The following CORIN variants were observed in gnomAD, a reference collection of about 807,000 sequenced individuals.
CORIN encodes atrial natriuretic peptide-converting enzyme.
In CORIN, 117 loss-of-function variants were observed where a neutral mutation model predicts 125.3. The ratio of observed to expected loss-of-function variants is 0.93; its 90% confidence interval spans 0.80 to 1.09. The LOEUF is 1.09. Among genes scored for constraint, CORIN ranks in the 50% least tolerant of loss-of-function variants. The pLI is 0.00. For missense variants in CORIN, 1,253 were observed against 1,306.7 expected, an observed-to-expected ratio of 0.96 and a Z score of 0.63; for synonymous variants, 450 against 466.4, an observed-to-expected ratio of 0.96 and a Z score of 0.45.
chr4:47,727,127 G>T (rs1202565634), intron 5 of CORIN, among the ~76,000 whole-genome samples: 5 of 151,880 alleles, frequency 3.3e-5, no homozygotes, highest in Non-Finnish European at 5.9e-5. Flanking sequence ...AATGGAAGGA[G>T]AATCTAATCA....
intron 2 of CORIN, among the ~76,000 whole-genome samples, chr4:47,796,141 G>A (rs1731278791): frequency 6.6e-6 from 1 of 151,872 alleles, no homozygotes; most frequent in African/African-American, 2.4e-5. Context: ...TTGAAATCAG[G>A]ATCTCCTATC....
intron 6 of CORIN, among the ~76,000 whole-genome samples, chr4:47,686,091 G>C (rs931810292): frequency 6.7e-6 from 1 of 149,042 alleles, no homozygotes; most frequent in Non-Finnish European, 1.5e-5. Flanking sequence ...CTTTGGCATT[G>C]ATCAGTTAAA....
chr4:47,665,389 T>C (rs1724437692), intron 10 of CORIN, 126 bp from the exon 11 acceptor site: 5 of 662,006 alleles, frequency 7.6e-6, no homozygotes, highest in Admixed American at 3.0e-5. Flanking sequence ...ATGCCAGTAG[T>C]ATATAACATT....
At chr4:47,805,879 G>A (rs529340214) in intron 2 of CORIN, among the ~76,000 whole-genome samples, 29 of 152,276 alleles carry the variant, frequency 1.9e-4, no homozygotes, top group South Asian at 1.7e-3. Flanking sequence ...GATCAGCATC[G>A]TCTTGATATT....
intron 4 of CORIN, among the ~76,000 whole-genome samples, chr4:47,758,554 A>G (rs1729300466): frequency 6.6e-6 from 1 of 152,238 alleles, no homozygotes; most frequent in Non-Finnish European, 1.5e-5. Context: ...TGGAGGCATC[A>G]CACTACCTAA....
At chr4:47,623,766 C>T (rs1722437882) in intron 18 of CORIN, 21 bp from the exon 19 acceptor site, 1 of 1,612,288 alleles carries the variant, frequency 6.2e-7, no homozygotes, top group East Asian at 2.2e-5. Context: ...GCAGAAGACA[C>T]AGTTTGTGAG....
rs187935611 is a variant in CORIN at position 47,699,557 on chromosome 4, C to T, written c.800-6474G>A. On this transcript the variant is annotated intron_variant, in intron 5 of 21. Transcript: ENST00000273857. Reference sequence around the variant, plus strand: ...TTTATCAGTTTTTCTTACTGCTATACCCTGAGTCTAGAATAGAACTGACAC... The same window carrying T: ...TTTATCAGTTTTTCTTACTGCTATATCCTGAGTCTAGAATAGAACTGACAC... Among the ~76,000 whole-genome samples the T allele has an allele frequency of 2.0e-5, 3 of 152,268 alleles. No individual in the cohort carries two copies. The East Asian group carries it at 5.8e-4, about 29-fold the overall frequency.
chr4:47,837,886 C>CCCAT lies in CORIN; in HGVS notation c.63_63+1insATGG (p.Val22MetfsTer6). On this transcript the variant is annotated frameshift_variant and splice_region_variant. Transcript: ENST00000273857. LOFTEE classifies it high-confidence loss of function. The stretch of plus-strand genomic sequence containing the variant: ...GTAGGACAGCGAATCATCGATCTTA[C>CCCAT]CGGCTTTGGGGACCCGGCTCTGCGG... 6.2e-7 allele frequency: 1 copy of CCCAT among 1,613,580 alleles called. No individual in the cohort carries two copies. Among genetic ancestry groups the CCCAT allele is most frequent in the South Asian group, 1.1e-5 (1 of 91,070 alleles).
chr4:47,801,823 G>A (rs1240380611), intron 2 of CORIN, among the ~76,000 whole-genome samples: 2 of 152,248 alleles, frequency 1.3e-5, no homozygotes, highest in African/African-American at 4.8e-5. Flanking sequence ...GGACAGCCTA[G>A]GCCACAAGGA....
chr4:47,621,503 G>A (rs1722306886), intron 19 of CORIN, among the ~76,000 whole-genome samples: 1 of 152,292 alleles, frequency 6.6e-6, no homozygotes, highest in East Asian at 1.9e-4. Context: ...AAATGTCTGA[G>A]TTTTTGTTTG....
At chr4:47,617,245 A>G (rs1722098829) in intron 19 of CORIN, among the ~76,000 whole-genome samples, 1 of 152,136 alleles carries the variant, frequency 6.6e-6, no homozygotes, top group South Asian at 2.1e-4. Context: ...GGGGTTTATG[A>G]TCATATATTT....
chr4:47,717,504 C>G (rs752537963), intron 5 of CORIN, among the ~76,000 whole-genome samples: 26 of 152,188 alleles, frequency 1.7e-4, no homozygotes, highest in African/African-American at 3.1e-4. Flanking sequence ...CTTTTTCTTA[C>G]ACTTCCAACA....
chr4:47,751,935 T>C (rs1432376778), intron 4 of CORIN, among the ~76,000 whole-genome samples: 1 of 152,086 alleles, frequency 6.6e-6, no homozygotes, highest in African/African-American at 2.4e-5. Flanking sequence ...AGTAAGACCC[T>C]CTATTCCTCC....
chr4:47,802,668 A>T (rs920795750), intron 2 of CORIN, among the ~76,000 whole-genome samples: 2 of 152,202 alleles, frequency 1.3e-5, no homozygotes, highest in African/African-American at 4.8e-5. Flanking sequence ...CTCTGGACCC[A>T]CCTGAGGCCT....
chr4:47,755,077 C>A (rs879639951), intron 4 of CORIN, among the ~76,000 whole-genome samples: 22 of 152,136 alleles, frequency 1.4e-4, no homozygotes, highest in Non-Finnish European at 3.2e-4. Flanking sequence ...AACCAAGTAA[C>A]CTTAGGATGC....
At chr4:47,713,543 T>C (rs535175448) in intron 5 of CORIN, among the ~76,000 whole-genome samples, 1 of 152,304 alleles carries the variant, frequency 6.6e-6, no homozygotes, top group South Asian at 2.1e-4. Flanking sequence ...CAGGGTACTT[T>C]TGGTGAACAG....
intron 5 of CORIN, among the ~76,000 whole-genome samples, chr4:47,732,391 T>C (rs1298743497): frequency 2.0e-5 from 3 of 152,098 alleles, no homozygotes; most frequent in Non-Finnish European, 4.4e-5. Context: ...TAGGACATTG[T>C]CCTTATGGGC....
At chr4:47,607,602 C>A (rs1008255251) in intron 19 of CORIN, among the ~76,000 whole-genome samples, 3 of 146,674 alleles carry the variant, frequency 2.0e-5, no homozygotes, top group Admixed American at 6.7e-5. Context: ...AAAAACCCAA[C>A]CTGTTGTTTG....
At chr4:47,714,219 T>G (rs1310693826) in intron 5 of CORIN, among the ~76,000 whole-genome samples, 8 of 152,344 alleles carry the variant, frequency 5.3e-5, no homozygotes, top group Non-Finnish European at 1.2e-4. Context: ...AGAGCTTACG[T>G]AGACAAACTT....
Sources: gnomAD v4.1 joint callset for allele counts (sites outside exome capture counted in the v4.1 genomes callset) on GRCh38, gnomAD v4.1.1 for gene constraint, MANE v1.5 for transcripts, NCBI Gene and HGNC (gene_info 2026-07-23, HGNC 2026-07-21) for gene names.